The following TIAM1 variants were observed in gnomAD, a reference collection of about 807,000 sequenced individuals.
TIAM1 encodes the protein rho guanine nucleotide exchange factor TIAM1.
A neutral mutation model predicts 163.5 loss-of-function variants in TIAM1; 65 were observed. The observed-to-expected ratio is 0.40, with a 90% CI of 0.33 to 0.49. TIAM1 has a LOEUF of 0.49. Among genes scored for constraint, TIAM1 ranks in the 20% least tolerant of loss-of-function variants. The probability of loss-of-function intolerance (pLI) is 0.77; values close to 1 mark genes in which losing one functional copy is unlikely to be tolerated. For missense variants in TIAM1, 1,789 were observed against 2,044.7 expected (o/e 0.87, Z 2.41); for synonymous variants, 833 against 810.1 (o/e 1.03, Z -0.48).
intron 7 of TIAM1, 123 bp downstream of exon 7, chr21:31,225,602 TG>T: frequency 1.3e-6 from 1 of 757,462 alleles, no homozygotes; most frequent in Non-Finnish European, 2.1e-6. Context: ...CTTAGCATCC[TG>T]GATGACAGGC....
intron 8 of TIAM1, among the ~76,000 whole-genome samples, chr21:31,222,292 A>G (rs1393697572): frequency 6.6e-6 from 1 of 152,198 alleles, no homozygotes; most frequent in Non-Finnish European, 1.5e-5. Context: ...CAAATGTGCT[A>G]AGGTGCAGTA....
chr21:31,331,399 G>A (rs1328049527), intron 2 of TIAM1, among the ~76,000 whole-genome samples: 1 of 152,168 alleles, frequency 6.6e-6, no homozygotes, highest in African/African-American at 2.4e-5. Context: ...GGCCCAACCA[G>A]CCACAATGAC....
chr21:31,385,212 C>T (rs1347771821), intron 2 of TIAM1, among the ~76,000 whole-genome samples: 1 of 152,180 alleles, frequency 6.6e-6, no homozygotes, highest in African/African-American at 2.4e-5. Flanking sequence ...CAGGCACCTG[C>T]CACCATGCCT....
chr21:31,262,723 A>C (rs2072545538), intron 4 of TIAM1, among the ~76,000 whole-genome samples: 1 of 152,216 alleles, frequency 6.6e-6, no homozygotes, highest in Non-Finnish European at 1.5e-5. Flanking sequence ...AATCAAATGA[A>C]GTTGTTCACA....
intron 1 of TIAM1, among the ~76,000 whole-genome samples, chr21:31,511,156 A>G (rs1295320116): frequency 6.6e-6 from 1 of 151,930 alleles, no homozygotes; most frequent in African/African-American, 2.4e-5. Flanking sequence ...TGTGCCCTGC[A>G]GAACAACGAG....
chr21:31,206,868 G>A (rs968881999), intron 11 of TIAM1, among the ~76,000 whole-genome samples: 1 of 151,574 alleles, frequency 6.6e-6, no homozygotes, highest in Non-Finnish European at 1.5e-5. Context: ...ACTTCTAGAA[G>A]ACATACAAAC....
intron 14 of TIAM1, among the ~76,000 whole-genome samples, chr21:31,184,204 C>T (rs1488964594): frequency 1.3e-5 from 2 of 152,032 alleles, no homozygotes; most frequent in Non-Finnish European, 2.9e-5. Flanking sequence ...CTCCCCGGTT[C>T]GAGTGATTCT....
intron 1 of TIAM1, among the ~76,000 whole-genome samples, chr21:31,505,573 C>G (rs988082550): frequency 4.9e-4 from 75 of 152,146 alleles, no homozygotes; most frequent in Non-Finnish European, 4.0e-4. Flanking sequence ...GAAGAGCACT[C>G]ATTGAGTGTA....
At chr21:31,451,698 T>TCTGGGAGAAACTCAGTAACAGACA (rs140594128) in intron 2 of TIAM1, among the ~76,000 whole-genome samples, 2 of 149,720 alleles carry the variant, frequency 1.3e-5, no homozygotes, top group Admixed American at 1.3e-4. Flanking sequence ...GGCACCAGGC[T>TCTGGGAGAAACTCAGTAACAGACA]GAGTGAAAGC....
chr21:31,529,131 G>T (rs1371411194), intron 1 of TIAM1, among the ~76,000 whole-genome samples: 2 of 151,668 alleles, frequency 1.3e-5, no homozygotes, highest in African/African-American at 4.8e-5. Context: ...GTGTTAGCCA[G>T]GATGGTCTCG....
At chr21:31,304,275 G>A (rs1020072639) in intron 2 of TIAM1, among the ~76,000 whole-genome samples, 2 of 152,152 alleles carry the variant, frequency 1.3e-5, no homozygotes, top group East Asian at 3.9e-4. Context: ...TAGCAACCAT[G>A]CAAATAATGT....
At chr21:31,296,868 T>A (rs2074291326) in intron 2 of TIAM1, among the ~76,000 whole-genome samples, 2 of 152,220 alleles carry the variant, frequency 1.3e-5, no homozygotes, top group Admixed American at 1.3e-4. Flanking sequence ...TTTCATCGTG[T>A]TAGCCAGGAT....
At chr21:31,380,237 G>A (rs531381763) in intron 2 of TIAM1, among the ~76,000 whole-genome samples, 20 of 152,168 alleles carry the variant, frequency 1.3e-4, no homozygotes, top group African/African-American at 4.6e-4. Context: ...TAGCCTGAGC[G>A]AAATAGTGAG....
chr21:31,267,748 A>G (rs1365624151), intron 3 of TIAM1, among the ~76,000 whole-genome samples: 1 of 152,160 alleles, frequency 6.6e-6, no homozygotes, highest in Admixed American at 6.5e-5. Context: ...AATAGAAAAA[A>G]ATAGAAACTC....
intron 15 of TIAM1, among the ~76,000 whole-genome samples, chr21:31,171,412 C>G (rs2084507849): frequency 6.6e-6 from 1 of 152,096 alleles, no homozygotes. Context: ...AAAAAGGCAC[C>G]ATAAATACAA....
intron 2 of TIAM1, among the ~76,000 whole-genome samples, chr21:31,416,047 T>G (rs965842119): frequency 1.3e-5 from 2 of 152,218 alleles, no homozygotes; most frequent in African/African-American, 4.8e-5. Context: ...TCAGTGGCTT[T>G]AACTTTCTGT....
At chr21:31,311,911 G>A (rs926358496) in intron 2 of TIAM1, among the ~76,000 whole-genome samples, 7 of 152,208 alleles carry the variant, frequency 4.6e-5, no homozygotes, top group African/African-American at 1.4e-4. Context: ...CAGAATAAAA[G>A]CAGGCAGAAG....
At chr21:31,359,010 C>T (rs1281700609) in intron 2 of TIAM1, among the ~76,000 whole-genome samples, 1 of 152,118 alleles carries the variant, frequency 6.6e-6, no homozygotes, top group African/African-American at 2.4e-5. Flanking sequence ...CCTGAACTTT[C>T]CAGACACACT....
intron 2 of TIAM1, among the ~76,000 whole-genome samples, chr21:31,426,057 G>A (rs1041275121): frequency 3.9e-5 from 6 of 151,980 alleles, no homozygotes; most frequent in East Asian, 1.9e-4. Flanking sequence ...TTGGGGATCA[G>A]GCGGTTTTTG....
Sources: allele counts gnomAD v4.1 joint callset (sites outside exome capture counted in the v4.1 genomes callset), GRCh38; gene constraint gnomAD v4.1.1; transcripts MANE v1.5; gene names NCBI Gene and HGNC (gene_info 2026-07-23, HGNC 2026-07-21).